The following SMPD3 variants were observed in gnomAD, a reference collection of about 807,000 sequenced individuals.
SMPD3 encodes the protein sphingomyelin phosphodiesterase 3.
SMPD3 carries 21 observed loss-of-function variants against 55.7 expected under a neutral mutation model. The observed-to-expected ratio is 0.38, with a 90% CI of 0.27 to 0.54. The LOEUF (loss-of-function observed/expected upper bound fraction) is 0.54, where lower values mean the gene tolerates loss of function less well. Among genes scored for constraint, SMPD3 ranks in the 20% least tolerant of loss-of-function variants. The probability of loss-of-function intolerance (pLI) is 0.80; values close to 1 mark genes in which losing one functional copy is unlikely to be tolerated. For synonymous variants in SMPD3, 457 were observed against 404.3 expected, an observed-to-expected ratio of 1.13 and a Z score of -1.56; for missense variants, 842 against 899.6, an observed-to-expected ratio of 0.94 and a Z score of 0.82.
At chr16:68,373,690 C>T (rs1040874104) in intron 2 of SMPD3, among the ~76,000 whole-genome samples, 5 of 152,210 alleles carry the variant, frequency 3.3e-5, no homozygotes, top group Non-Finnish European at 7.3e-5. Context: ...GACTGCATCA[C>T]GGTTCCCCAA....
chr16:68,432,843 C>G (rs1056967964), intron 1 of SMPD3, among the ~76,000 whole-genome samples: 9 of 152,246 alleles, frequency 5.9e-5, no homozygotes, highest in South Asian at 4.1e-4. Flanking sequence ...GAGACAGGGT[C>G]AGCCAGGCTG....
At position 68,361,721 on chromosome 16, in the gene SMPD3, G is replaced by T. The variant is rs377365842; in HGVS notation, c.1748C>A (p.Ala583Glu). ...ESEEGRREYLAFPTSKSSGQK... is the reference protein window; with the variant it reads ...ESEEGRREYLEFPTSKSSGQK... ...GCCCGAGCTCTTGCTGGTGGGAAACGCCAGGTACTCCCTGCGGCCCTCCTC... is the reference window on the plus strand; with the variant it reads ...GCCCGAGCTCTTGCTGGTGGGAAACTCCAGGTACTCCCTGCGGCCCTCCTC... Residue 583 changes from alanine to glutamate, a missense_variant, in exon 8 of 9, where the codon GCG becomes GAG. Ala to Glu is a moderately radical substitution (Grantham distance 107, BLOSUM62 -1). This residue lies in a region of SMPD3 where 649 missense variants were observed against 643.6 expected (regional missense o/e 1.01). Coordinates refer to ENST00000219334, the MANE Select transcript of SMPD3 (RefSeq NM_018667.4). 6.2e-7 allele frequency: 1 copy of T among 1,612,974 alleles called. No homozygotes were observed. Among genetic ancestry groups the T allele is most frequent in the Non-Finnish European group, 8.5e-7 (1 of 1,179,958 alleles).
intron 2 of SMPD3, among the ~76,000 whole-genome samples, chr16:68,377,434 T>C (rs1360085978): frequency 1.3e-5 from 2 of 152,204 alleles, no homozygotes; most frequent in Non-Finnish European, 2.9e-5. Flanking sequence ...CGGCTGCTCC[T>C]GCGAGTGACT....
chr16:68,390,916 A>G (rs1309652547), intron 1 of SMPD3, among the ~76,000 whole-genome samples: 1 of 152,082 alleles, frequency 6.6e-6, no homozygotes, highest in Non-Finnish European at 1.5e-5. Flanking sequence ...GAGAGGAGCT[A>G]CCCTTCAAAC....
intron 1 of SMPD3, among the ~76,000 whole-genome samples, chr16:68,437,049 T>G (rs192191025): frequency 6.6e-6 from 1 of 152,360 alleles, no homozygotes; most frequent in East Asian, 1.9e-4. Context: ...GGGAATGTCA[T>G]GAAGTGGCCA....
intron 1 of SMPD3, among the ~76,000 whole-genome samples, chr16:68,396,194 C>A (rs561642817): frequency 6.6e-6 from 1 of 152,272 alleles, no homozygotes; most frequent in Non-Finnish European, 1.5e-5. Flanking sequence ...TGCTTTGAGC[C>A]CCTTCCCTCC....
chr16:68,380,660 C>T (rs1034582680), intron 2 of SMPD3, among the ~76,000 whole-genome samples: 1 of 152,238 alleles, frequency 6.6e-6, no homozygotes, highest in Admixed American at 6.5e-5. Flanking sequence ...CTCTCAGGTT[C>T]TGCTGTTGAG....
Position 68,371,692 on chromosome 16 carries a change from G to T in SMPD3, c.490C>A (p.Arg164=). 1.3e-6 allele frequency: 2 copies of T among 1,576,662 alleles called. No individual in the cohort carries two copies. The highest frequency in any genetic ancestry group is 1.7e-6 in the Non-Finnish European group (2 of 1,161,134). The change falls in exon 3 of 9, where the codon CGG becomes AGG. Residue 164 remains arginine, a synonymous_variant. Transcript: ENST00000219334. ...TCGATGTAAATTTTGATCTGGGGCC[G>T]GGCGGCCCCATTGCGGATTCTCTGC... ...IGQRIRNGAA[R]PQIKIYIDSP...
At chr16:68,415,642 T>G (rs977106006) in intron 1 of SMPD3, among the ~76,000 whole-genome samples, 2 of 152,234 alleles carry the variant, frequency 1.3e-5, no homozygotes, top group African/African-American at 2.4e-5. Context: ...ATATTGACTT[T>G]TAAAAATATA....
chr16:68,374,590 C>T (rs1211648798), intron 2 of SMPD3, among the ~76,000 whole-genome samples: 1 of 152,128 alleles, frequency 6.6e-6, no homozygotes, highest in Admixed American at 6.5e-5. Context: ...GGTCCACCCC[C>T]GCCTGCCATC....
At chr16:68,444,709 T>C (rs1418117746) in intron 1 of SMPD3, among the ~76,000 whole-genome samples, 1 of 152,202 alleles carries the variant, frequency 6.6e-6, no homozygotes, top group Non-Finnish European at 1.5e-5. Flanking sequence ...AAAAGAAACA[T>C]AAAATAACGT....
chr16:68,362,702 TAA>T (rs1337491003), intron 7 of SMPD3, among the ~76,000 whole-genome samples: 1 of 152,248 alleles, frequency 6.6e-6, no homozygotes, highest in African/African-American at 2.4e-5. Flanking sequence ...AGCCTTAAGA[TAA>T]ATACACTAAT....
intron 1 of SMPD3, among the ~76,000 whole-genome samples, chr16:68,389,148 C>T (rs898992891): frequency 7.9e-5 from 12 of 152,212 alleles, no homozygotes; most frequent in African/African-American, 2.4e-4. Context: ...GTGCCTGGGC[C>T]GAGTCAGGCC....
intron 2 of SMPD3, among the ~76,000 whole-genome samples, chr16:68,373,578 C>G (rs1242410331): frequency 6.6e-6 from 1 of 152,162 alleles, no homozygotes; most frequent in Admixed American, 6.5e-5. Flanking sequence ...CCTCCTGAAT[C>G]CCTGGTCACC....
At chr16:68,392,820 T>C (rs997871684) in intron 1 of SMPD3, among the ~76,000 whole-genome samples, 1 of 113,394 alleles carries the variant, frequency 8.8e-6, no homozygotes, top group African/African-American at 3.7e-5. Context: ...CGTGACAGAA[T>C]GAGACGCTGT....
chr16:68,438,338 A>G (rs1472908935), intron 1 of SMPD3, among the ~76,000 whole-genome samples: 1 of 152,168 alleles, frequency 6.6e-6, no homozygotes, highest in Non-Finnish European at 1.5e-5. Flanking sequence ...GAGAGAAATA[A>G]TGTAATTTAT....
chr16:68,425,628 C>A (rs1214376459), intron 1 of SMPD3, among the ~76,000 whole-genome samples: 12 of 152,304 alleles, frequency 7.9e-5, no homozygotes, highest in East Asian at 1.9e-4. Flanking sequence ...GAGGTGGCAG[C>A]GCCATGGGAC....
At chr16:68,398,657 T>C (rs773926977) in intron 1 of SMPD3, among the ~76,000 whole-genome samples, 10 of 152,266 alleles carry the variant, frequency 6.6e-5, no homozygotes, top group Admixed American at 1.3e-4. Context: ...TTGTTTCCTT[T>C]CCTCAGTTCA....
chr16:68,407,569 A>C (rs1317902328), intron 1 of SMPD3, among the ~76,000 whole-genome samples: 1 of 152,174 alleles, frequency 6.6e-6, no homozygotes, highest in African/African-American at 2.4e-5. Flanking sequence ...TTCAAGCCTC[A>C]AAGGATCCTC....
Sources: allele counts gnomAD v4.1 joint callset (sites outside exome capture counted in the v4.1 genomes callset), GRCh38; gene constraint gnomAD v4.1.1; regional missense constraint gnomAD v4.1.1; transcripts MANE v1.5; gene names NCBI Gene and HGNC (gene_info 2026-07-23, HGNC 2026-07-21).